Variants in DDHD1 observed in about 807,000 individuals in gnomAD.
The protein encoded by DDHD1 is phospholipase DDHD1.
In DDHD1, 49 loss-of-function variants were observed where a neutral mutation model predicts 96.4. That is an observed-to-expected ratio of 0.51 (90% CI 0.40 to 0.64). DDHD1 has a LOEUF of 0.64. Ranked by LOEUF, DDHD1 falls within the 30% of genes least tolerant of loss-of-function variation. The pLI, the probability that DDHD1 is intolerant of heterozygous loss-of-function variation, is 0.00. For synonymous variants in DDHD1, 442 were observed against 446.5 expected, an observed-to-expected ratio of 0.99 and a Z score of 0.13; for missense variants, 1,106 against 1,161.2, an observed-to-expected ratio of 0.95 and a Z score of 0.69.
At position 53,051,894 on chromosome 14, in the gene DDHD1, G is replaced by T; in HGVS notation, c.2471C>A (p.Pro824Gln). 6.3e-7 allele frequency: 1 copy of T among 1,597,686 alleles called. No individual in the cohort carries two copies. The highest frequency in any genetic ancestry group is 2.2e-5 in the East Asian group (1 of 44,456). Residue 824 changes from proline (P) to glutamine (Q), a missense_variant, in exon 12 of 13, where the codon CCA becomes CAA. Physicochemically the swap from Pro to Gln is moderately conservative, Grantham distance 76. This residue lies in a region of DDHD1 where 650 missense variants were observed against 758.8 expected (regional missense o/e 0.86). Coordinates refer to ENST00000673822, the MANE Select transcript of DDHD1 (RefSeq NM_001160148.2). ...FRLQESFFNL[P>Q]QLLFPENVMQ... is the part of the protein sequence containing the mutation. ...TACATTTTCCGGAAAAAGAAGTTGT[G>T]GGAGATTAAAGAACGATTCTTGAAG...
chr14:53,151,313 G>A (rs1891343331), intron 1 of DDHD1, among the ~76,000 whole-genome samples: 1 of 152,168 alleles, frequency 6.6e-6, no homozygotes, highest in South Asian at 2.1e-4. Context: ...AATTAAAAGT[G>A]TATATTACAT....
At chr14:53,077,584 T>A (rs995660061) in intron 4 of DDHD1, among the ~76,000 whole-genome samples, 1 of 152,154 alleles carries the variant, frequency 6.6e-6, no homozygotes, top group Non-Finnish European at 1.5e-5. Flanking sequence ...GTAGTTATTA[T>A]CCTTGCCAAG....
At chr14:53,091,181 T>C (rs915179408) in intron 4 of DDHD1, among the ~76,000 whole-genome samples, 4 of 152,212 alleles carry the variant, frequency 2.6e-5, no homozygotes, top group African/African-American at 9.6e-5. Context: ...AACCCTAACA[T>C]GCCCTTTCAA....
intron 4 of DDHD1, among the ~76,000 whole-genome samples, chr14:53,089,436 A>G (rs1886251195): frequency 6.6e-6 from 1 of 152,228 alleles, no homozygotes; most frequent in Non-Finnish European, 1.5e-5. Flanking sequence ...TACAGTAACC[A>G]AAACAGCATG....
chr14:53,090,137 T>C (rs938581790), intron 4 of DDHD1, among the ~76,000 whole-genome samples: 3 of 152,170 alleles, frequency 2.0e-5, no homozygotes, highest in Non-Finnish European at 4.4e-5. Flanking sequence ...TCATCATCAC[T>C]GGCCATCAGA....
intron 1 of DDHD1, among the ~76,000 whole-genome samples, chr14:53,110,955 C>A (rs1185893721): frequency 6.6e-6 from 1 of 152,086 alleles, no homozygotes; most frequent in Non-Finnish European, 1.5e-5. Context: ...GCACTCCAGC[C>A]TAGGTGACAC....
At chr14:53,130,543 A>G (rs1889792546) in intron 1 of DDHD1, among the ~76,000 whole-genome samples, 1 of 152,200 alleles carries the variant, frequency 6.6e-6, no homozygotes, top group African/African-American at 2.4e-5. Flanking sequence ...AATAGAGAAG[A>G]GTTGCAATTA....
At chr14:53,087,969 G>A (rs1271959746) in intron 4 of DDHD1, among the ~76,000 whole-genome samples, 3 of 152,078 alleles carry the variant, frequency 2.0e-5, no homozygotes, top group African/African-American at 7.2e-5. Context: ...AATAAAAAAC[G>A]ATAAAAAGAT....
At position 53,093,322 on chromosome 14, in the gene DDHD1, A is replaced by C. The variant is rs937670195; in HGVS notation, c.1135T>G (p.Ser379Ala). ...AGTAATATTTAACAATTACCTTTAG[A>C]AAATCCCAGTTTTTGGGTAACTGTT... ...ARTVTQKLGF[S>A]KASSSGTRLH... The change falls in exon 3 of 13, where the codon TCT becomes GCT. Residue 379 changes from serine to alanine, a missense_variant. Ser to Ala is a moderately conservative substitution (Grantham distance 99). Transcript: ENST00000673822. 6.2e-7 allele frequency: 1 copy of C among 1,607,618 alleles called. No homozygotes were observed. Among genetic ancestry groups the C allele is most frequent in the African/African-American group, 1.3e-5 (1 of 74,666 alleles).
At chr14:53,066,181 T>C (rs532470394) in intron 6 of DDHD1, among the ~76,000 whole-genome samples, 7 of 152,212 alleles carry the variant, frequency 4.6e-5, no homozygotes, top group South Asian at 2.1e-4. Flanking sequence ...AGATGGAATT[T>C]CGTTCTGTTG....
intron 1 of DDHD1, among the ~76,000 whole-genome samples, chr14:53,140,363 G>T (rs555709901): frequency 6.6e-6 from 1 of 152,014 alleles, no homozygotes; most frequent in Non-Finnish European, 1.5e-5. Context: ...GTGGAACCCC[G>T]TCTCTACTAA....
chr14:53,132,245 C>T (rs1331371800), intron 1 of DDHD1, among the ~76,000 whole-genome samples: 1 of 152,152 alleles, frequency 6.6e-6, no homozygotes, highest in Non-Finnish European at 1.5e-5. Flanking sequence ...AGAGCTGGGA[C>T]CGTACCTTGT....
At chr14:53,086,972 C>CAAAAAAAAAAAAAAAAA (rs60569444) in intron 4 of DDHD1, among the ~76,000 whole-genome samples, 3 of 52,208 alleles carry the variant, frequency 5.7e-5, no homozygotes, top group African/African-American at 7.2e-5. Context: ...AAATGAAAAG[C>CAAAAAAAAAAAAAAAAA]AAAAAAAAAA....
At chr14:53,118,431 G>A (rs1201235780) in intron 1 of DDHD1, among the ~76,000 whole-genome samples, 1 of 152,084 alleles carries the variant, frequency 6.6e-6, no homozygotes, top group African/African-American at 2.4e-5. Flanking sequence ...TTAGATGAAT[G>A]GCTAACAAGA....
In DDHD1 at chr14:53,153,152, G is replaced by T. The variant is rs1286745757; in HGVS notation, c.-54C>A. The T allele has an allele frequency of 1.5e-6, 2 of 1,310,426 alleles. No homozygotes were observed. The highest frequency in any genetic ancestry group is 4.1e-5 in the Admixed American group (1 of 24,512). The allele number at this position is 1,310,426 out of a possible 1,614,324, so 81.2% of individuals were successfully genotyped here. A position where few individuals can be genotyped will look rare whatever the true frequency, so the allele number is the denominator to read the frequency against. ...GGCGCGCGGAGCCGTGACCCCCAGC[G>T]CTTCCGCCACACATTCAACGCCGCC... On this transcript the variant is annotated 5_prime_UTR_variant, in exon 1 of 13. Coordinates refer to ENST00000673822, the MANE Select transcript of DDHD1 (RefSeq NM_001160148.2).
At chr14:53,072,128 G>A (rs28468401) in intron 6 of DDHD1, among the ~76,000 whole-genome samples, 5,104 of 152,120 alleles carry the variant, frequency 0.034, 295 homozygotes, top group African/African-American at 0.11. Flanking sequence ...TAAAGTGACA[G>A]AATGCATTTG....
chr14:53,138,396 T>G (rs1054365131), intron 1 of DDHD1, among the ~76,000 whole-genome samples: 6 of 152,136 alleles, frequency 3.9e-5, no homozygotes, highest in Admixed American at 6.6e-5. Flanking sequence ...GCCACTGCAC[T>G]CCAGCCTGGG....
chr14:53,112,451 A>T (rs1888182771), intron 1 of DDHD1, among the ~76,000 whole-genome samples: 1 of 152,124 alleles, frequency 6.6e-6, no homozygotes, highest in African/African-American at 2.4e-5. Flanking sequence ...TTAATGTGAC[A>T]TGAATTGAGC....
intron 9 of DDHD1, among the ~76,000 whole-genome samples, chr14:53,058,206 GGCTCA>G (rs1372278199): frequency 6.6e-6 from 1 of 152,060 alleles, no homozygotes; most frequent in African/African-American, 2.4e-5. Context: ...GCATGATCTT[GGCTCA>G]GTCCAACCTC....
Sources: allele counts gnomAD v4.1 joint callset (sites outside exome capture counted in the v4.1 genomes callset), GRCh38; gene constraint gnomAD v4.1.1; regional missense constraint gnomAD v4.1.1; transcripts MANE v1.5; gene names NCBI Gene and HGNC (gene_info 2026-07-23, HGNC 2026-07-21).